The following TEAD1 variants were observed in gnomAD, a reference collection of about 807,000 sequenced individuals.
TEAD1 encodes TEA domain transcription factor 1, also known as transcriptional enhancer factor TEF-1.
In TEAD1, 9 loss-of-function variants were observed where a neutral mutation model predicts 54.9. The observed-to-expected ratio is 0.16, with a 90% CI of 0.10 to 0.29. The LOEUF (loss-of-function observed/expected upper bound fraction) is 0.29. Among genes scored for constraint, TEAD1 ranks in the 10% least tolerant of loss-of-function variants. TEAD1 has a pLI of 1.00. For missense variants in TEAD1, 387 were observed against 535.9 expected (o/e 0.72, Z 2.74); for synonymous variants, 200 against 187.8 (o/e 1.07, Z -0.53).
chr11:12,833,432 G>A (rs755761171), intron 3 of TEAD1, among the ~76,000 whole-genome samples: 2 of 152,126 alleles, frequency 1.3e-5, no homozygotes, highest in Non-Finnish European at 2.9e-5. Flanking sequence ...TATATGCAAA[G>A]CAGAAGAGTG....
rs1949136471 is a variant in TEAD1, at chr11:12,939,079, C to T, written c.*1857C>T. On this transcript the variant is annotated 3_prime_UTR_variant, in exon 13 of 13. Transcript: ENST00000527636. ...CTGGCTCGTGGGAAACAGCAAAACA[C>T]TAAGCCTGACCTCTCCCAAATTGGG... The T allele has an allele frequency of 6.6e-6, 1 of 152,224 alleles. No homozygotes were observed. The highest frequency in any genetic ancestry group is 2.4e-5 in the African/African-American group (1 of 41,456). The allele number at this position is 152,224 out of a possible 1,614,324, so 9.4% of individuals were successfully genotyped here.
chr11:12,916,277 A>C (rs551574677), intron 10 of TEAD1, among the ~76,000 whole-genome samples: 1 of 152,152 alleles, frequency 6.6e-6, no homozygotes, highest in Non-Finnish European at 1.5e-5. Context: ...AAAAAGTCCT[A>C]ATTTTTCTGT....
chr11:12,792,172 C>A (rs1945816379), intron 3 of TEAD1, among the ~76,000 whole-genome samples: 1 of 151,930 alleles, frequency 6.6e-6, no homozygotes, highest in Non-Finnish European at 1.5e-5. Context: ...CAAAATAAGA[C>A]AAAAATGAGT....
In TEAD1 at chr11:12,695,186, G is replaced by A. The variant is rs191948984; in HGVS notation, c.-55+19625G>A. Among the ~76,000 whole-genome samples, 18 of 152,320 alleles carry A rather than the reference G, an allele frequency of 1.2e-4. 1 individual carries two copies. The highest frequency in any genetic ancestry group is 1.0e-3 in the Admixed American group (16 of 15,304). ...GTTCAACTTCAGGCCTCACTAAAAG[G>A]CTCTGATAAGCTGTTGAGAAAGTCG... On this transcript the variant is annotated intron_variant, in intron 2 of 12. Coordinates refer to ENST00000527636, the MANE Select transcript of TEAD1 (RefSeq NM_021961.6).
intron 11 of TEAD1, among the ~76,000 whole-genome samples, chr11:12,929,163 CGT>C (rs60060462): frequency 3.6e-4 from 38 of 106,812 alleles, no homozygotes; most frequent in African/African-American, 7.6e-4. Flanking sequence ...TTTGCTTTGC[CGT>C]GTGTGTGTGT....
rs1209342924 is a variant in TEAD1 at position 12,880,999 on chromosome 11, T to C, written c.466-6T>C. On this transcript the variant is annotated splice_polypyrimidine_tract_variant and splice_region_variant and intron_variant, in intron 6 of 12. Coordinates refer to ENST00000527636, the MANE Select transcript of TEAD1 (RefSeq NM_021961.6). Reference sequence around the variant, plus strand: ...AATTCTGAGGCCTTTGCATTTTGCCTTCCAGTTCTGGCCGGGAATGATTCA... The same window carrying C: ...AATTCTGAGGCCTTTGCATTTTGCCCTCCAGTTCTGGCCGGGAATGATTCA... 6.2e-7 allele frequency: 1 copy of C among 1,614,196 alleles called. No homozygotes were observed. The highest frequency in any genetic ancestry group is 8.5e-7 in the Non-Finnish European group (1 of 1,180,026).
chr11:12,758,232 TG>T (rs1396688319), intron 2 of TEAD1, among the ~76,000 whole-genome samples: 7 of 149,924 alleles, frequency 4.7e-5, no homozygotes, highest in Non-Finnish European at 7.4e-5. Flanking sequence ...GTTTTTGTTT[TG>T]TTTTTTTTTT....
intron 2 of TEAD1, among the ~76,000 whole-genome samples, chr11:12,686,706 A>G (rs1943342349): frequency 6.6e-6 from 1 of 152,184 alleles, no homozygotes; most frequent in Admixed American, 6.5e-5. Context: ...ATGTCCTATG[A>G]TGCACCTAAA....
chr11:12,723,166 C>G (rs1590085698), intron 2 of TEAD1, among the ~76,000 whole-genome samples: 1 of 152,096 alleles, frequency 6.6e-6, no homozygotes. Flanking sequence ...GTTTATGATG[C>G]CACCAGCAGT....
At chr11:12,691,245 G>A (rs1590055942) in intron 2 of TEAD1, among the ~76,000 whole-genome samples, 1 of 152,254 alleles carries the variant, frequency 6.6e-6, no homozygotes, top group East Asian at 1.9e-4. Flanking sequence ...TTTGGCCAGT[G>A]GGAATTTCTT....
intron 3 of TEAD1, among the ~76,000 whole-genome samples, chr11:12,798,117 G>T (rs1291768493): frequency 1.3e-5 from 2 of 152,170 alleles, no homozygotes; most frequent in African/African-American, 2.4e-5. Context: ...CTCAGCTCCA[G>T]CTACACTATT....
At chr11:12,884,195 TCCTC>T (rs1948038769) in intron 9 of TEAD1, among the ~76,000 whole-genome samples, 1 of 152,020 alleles carries the variant, frequency 6.6e-6, no homozygotes, top group Non-Finnish European at 1.5e-5. Context: ...ACATATGTGA[TCCTC>T]CCTTCTTTCC....
Position 12,864,877 on chromosome 11 carries a change from C to G in TEAD1, c.307C>G (p.Arg103Gly). The G allele has an allele frequency of 6.2e-7, 1 of 1,614,096 alleles. No homozygotes were observed. Among genetic ancestry groups the G allele is most frequent in the Non-Finnish European group, 8.5e-7 (1 of 1,180,018 alleles). ...TCAGGTTCTTGCCAGAAGGAAATCT[C>G]GTGATTTTCATTCCAAGCTAAAGGT... Residue 103 changes from arginine (R) to glycine (G), a missense_variant, in exon 5 of 13, where the codon CGT (arginine) becomes GGT (glycine). Physicochemically the swap from Arg to Gly is moderately radical, Grantham distance 125 (BLOSUM62 -2). Around this residue, in one of 5 missense-constraint regions of TEAD1, gnomAD observed 22 missense variants for 43.2 expected, o/e 0.51. Coordinates refer to ENST00000527636, the MANE Select transcript of TEAD1 (RefSeq NM_021961.6).
intron 8 of TEAD1, 44 bp from the exon 9 acceptor site, chr11:12,882,957 G>T: frequency 6.2e-7 from 1 of 1,614,062 alleles, no homozygotes. Flanking sequence ...GAGGCCCAAG[G>T]GGAGGTGAGT....
chr11:12,880,460 T>A (rs562516866), intron 6 of TEAD1, among the ~76,000 whole-genome samples: 11 of 152,142 alleles, frequency 7.2e-5, no homozygotes, highest in African/African-American at 2.6e-4. Flanking sequence ...AGCCCCAGGG[T>A]TGCTTGACTC....
intron 9 of TEAD1, 47 bp downstream of exon 9, chr11:12,883,172 C>T (rs1054503535): frequency 1.2e-6 from 2 of 1,613,226 alleles, no homozygotes; most frequent in East Asian, 4.5e-5. Context: ...ATTTCTTTCC[C>T]TTTACTGTTT....
intron 2 of TEAD1, among the ~76,000 whole-genome samples, chr11:12,724,224 C>T (rs897277527): frequency 1.4e-4 from 21 of 152,234 alleles, no homozygotes; most frequent in Non-Finnish European, 2.4e-4. Context: ...TTATTGAGCT[C>T]GTGGGCTCTC....
chr11:12,824,804 C>T (rs1033994709), intron 3 of TEAD1, among the ~76,000 whole-genome samples: 1 of 152,178 alleles, frequency 6.6e-6, no homozygotes, highest in African/African-American at 2.4e-5. Context: ...CTGGCAGAAC[C>T]GTGCTGACCT....
chr11:12,791,476 A>T (rs540811740), intron 3 of TEAD1, among the ~76,000 whole-genome samples: 8 of 152,312 alleles, frequency 5.3e-5, no homozygotes, highest in African/African-American at 1.7e-4. Flanking sequence ...ATGCACTGAT[A>T]AGGGCCTTGT....
Sources: gnomAD v4.1 joint callset for allele counts (sites outside exome capture counted in the v4.1 genomes callset) on GRCh38, gnomAD v4.1.1 for gene constraint, gnomAD v4.1.1 regional missense constraint, MANE v1.5 for transcripts, NCBI Gene and HGNC (gene_info 2026-07-23, HGNC 2026-07-21) for gene names.